RELN: variants seen among roughly 807,000 people sequenced by gnomAD.
RELN encodes the protein reelin.
RELN carries 108 observed loss-of-function variants against 427.6 expected under a neutral mutation model. The ratio of observed to expected loss-of-function variants is 0.25; its 90% CI spans 0.22 to 0.30. The LOEUF (loss-of-function observed/expected upper bound fraction) is 0.30. Ranked by LOEUF, RELN falls within the 10% of genes least tolerant of loss-of-function variation. The pLI is 1.00. For missense variants in RELN, 3,715 were observed against 4,302.8 expected (o/e 0.86, Z 3.82); for synonymous variants, 1,524 against 1,513.4 (o/e 1.01, Z -0.16).
intron 46 of RELN, among the ~76,000 whole-genome samples, chr7:103,525,695 G>GTT (rs76372202): frequency 1.0e-4 from 14 of 139,166 alleles, no homozygotes; most frequent in African/African-American, 7.8e-5. Context: ...TATTCATTCT[G>GTT]TTTTTTTTTT....
rs1189571282 is a variant in RELN at position 103,471,960 on chromosome 7, C to A, written c.*852G>T. On this transcript the variant is annotated 3_prime_UTR_variant, in exon 65 of 65. Coordinates refer to ENST00000428762, the MANE Select transcript of RELN (RefSeq NM_005045.4). ...GAATATGACCCGCAGAAAAAACAAT[C>A]CACGAAGAAAACACAATGAAAAAAC... 6.6e-6 allele frequency: 1 copy of A among 152,512 alleles called. No homozygotes were observed. Among genetic ancestry groups the A allele is most frequent in the Non-Finnish European group, 1.5e-5 (1 of 68,028 alleles). 9.4% of individuals were successfully genotyped at this position (152,512 alleles called of 1,614,324 possible). A position where few individuals can be genotyped will look rare whatever the true frequency, so the allele number is the denominator to read the frequency against.
chr7:103,769,789 G>A (rs1422785716), intron 4 of RELN, among the ~76,000 whole-genome samples: 2 of 152,192 alleles, frequency 1.3e-5, no homozygotes, highest in African/African-American at 4.8e-5. Context: ...GATGAATCAA[G>A]ATAGAAACAC....
chr7:103,854,326 C>T (rs35835163), intron 2 of RELN, among the ~76,000 whole-genome samples: 21,858 of 152,074 alleles, frequency 0.14, 1,879 homozygotes, highest in East Asian at 0.34. Context: ...TTTATTTTCC[C>T]TTGTACTTTA....
chr7:103,982,028 T>C (rs1797000822), intron 1 of RELN, among the ~76,000 whole-genome samples: 1 of 152,026 alleles, frequency 6.6e-6, no homozygotes, highest in Admixed American at 6.6e-5. Context: ...TTACCTGGTC[T>C]AGTGGTGTGC....
chr7:103,828,944 A>G (rs1793209846), intron 3 of RELN, among the ~76,000 whole-genome samples: 1 of 151,944 alleles, frequency 6.6e-6, no homozygotes, highest in African/African-American at 2.4e-5. Flanking sequence ...ACAAGTGGTC[A>G]TTTTAAAGGC....
chr7:103,501,777 C>T (rs1829037451), intron 52 of RELN, among the ~76,000 whole-genome samples: 1 of 152,024 alleles, frequency 6.6e-6, no homozygotes, highest in South Asian at 2.1e-4. Flanking sequence ...ATGGTGGGTC[C>T]CCAGCATCCA....
Position 103,496,603 on chromosome 7 carries a change from G to T in RELN, c.9116C>A (p.Ala3039Asp). The T allele has an allele frequency of 6.2e-7, 1 of 1,614,160 alleles. No homozygotes were observed. Among genetic ancestry groups the T allele is most frequent in the Non-Finnish European group, 8.5e-7 (1 of 1,180,016 alleles). The stretch of plus-strand genomic sequence containing the variant: ...CAAAATGTTGTCCAGTGCCCACTGA[G>T]CACGCTCCACCCCAGAGACCACAAT... Reference protein sequence around the residue: ...NGIVVSGVERAQWALDNILIG... With the variant: ...NGIVVSGVERDQWALDNILIG... The change falls in exon 56 of 65, where the codon GCT (alanine) becomes GAT (aspartate). Residue 3039 changes from alanine (A) to aspartate (D), a missense_variant. Ala to Asp is a moderately radical substitution (Grantham distance 126, BLOSUM62 -2). Coordinates refer to ENST00000428762, the MANE Select transcript of RELN (RefSeq NM_005045.4).
At chr7:103,805,558 C>T (rs1246451789) in intron 3 of RELN, among the ~76,000 whole-genome samples, 1 of 152,132 alleles carries the variant, frequency 6.6e-6, no homozygotes, top group African/African-American at 2.4e-5. Flanking sequence ...AGTGGGTCCA[C>T]CCCCTCACAA....
intron 2 of RELN, among the ~76,000 whole-genome samples, chr7:103,835,955 T>C (rs1286332425): frequency 1.4e-4 from 6 of 44,010 alleles, no homozygotes; most frequent in Admixed American, 1.2e-3. Context: ...TCAATTACCC[T>C]TTTTTTTTTT....
At chr7:103,838,517 G>A (rs1290507736) in intron 2 of RELN, among the ~76,000 whole-genome samples, 1 of 152,264 alleles carries the variant, frequency 6.6e-6, no homozygotes, top group African/African-American at 2.4e-5. Flanking sequence ...TCACAAGGTT[G>A]GGGAGAATAA....
intron 9 of RELN, among the ~76,000 whole-genome samples, chr7:103,699,912 G>T (rs1464950868): frequency 6.6e-6 from 1 of 151,868 alleles, no homozygotes; most frequent in African/African-American, 2.4e-5. Context: ...TCAGTTTTTG[G>T]TTAGACTAAA....
rs1563004943 is a variant in RELN, at chr7:103,773,430, TCTCTCTCTCTCTCTCCCTCGCTCCCTCC to T, written c.544+3099_544+3126del. Among the ~76,000 whole-genome samples, 4 of 28,916 alleles carry T rather than the reference TCTCTCTCTCTCTCTCCCTCGCTCCCTCC, an allele frequency of 1.4e-4. 1 individual carries two copies. Among genetic ancestry groups the T allele is most frequent in the African/African-American group, 7.2e-4 (3 of 4,162 alleles). 19.0% of individuals were successfully genotyped at this position (28,916 alleles called of 152,430 possible). A position where few individuals can be genotyped will look rare whatever the true frequency, so the allele number is the denominator to read the frequency against. On this transcript the variant is annotated intron_variant, in intron 4 of 64. Coordinates refer to ENST00000428762, the MANE Select transcript of RELN (RefSeq NM_005045.4). ...CTCTCTCTCTCTCCCTCGCTCCCTC[TCTCTCTCTCTCTCTCCCTCGCTCCCTCC>T]CTCTCTCTCTCTCTCTCTCTCTTTC...
intron 2 of RELN, among the ~76,000 whole-genome samples, chr7:103,858,703 C>T (rs1379682915): frequency 6.6e-6 from 1 of 152,204 alleles, no homozygotes; most frequent in African/African-American, 2.4e-5. Context: ...CCTATTTCAT[C>T]ACCTTGATTA....
chr7:103,745,957 A>C (rs1485107646), intron 6 of RELN, among the ~76,000 whole-genome samples: 6 of 152,206 alleles, frequency 3.9e-5, no homozygotes, highest in Admixed American at 2.0e-4. Context: ...TCACATTGCC[A>C]AGTCAATCCT....
intron 3 of RELN, among the ~76,000 whole-genome samples, chr7:103,820,892 A>C (rs1792997795): frequency 6.6e-6 from 1 of 152,074 alleles, no homozygotes; most frequent in African/African-American, 2.4e-5. Context: ...ACACAGACAC[A>C]CACGTTTAAT....
chr7:103,717,711 G>A (rs1789973801), intron 8 of RELN, among the ~76,000 whole-genome samples: 1 of 151,990 alleles, frequency 6.6e-6, no homozygotes, highest in Middle Eastern at 3.2e-3. Flanking sequence ...AGGTGTCCAT[G>A]TTTCAGAAGA....
chr7:103,543,406 G>A (rs1277550333), intron 42 of RELN, among the ~76,000 whole-genome samples: 1 of 152,188 alleles, frequency 6.6e-6, no homozygotes, highest in Non-Finnish European at 1.5e-5. Context: ...AGCACTTTGG[G>A]AGGCCGAGGC....
chr7:103,622,415 C>A (rs1832241523), intron 20 of RELN, among the ~76,000 whole-genome samples: 1 of 152,196 alleles, frequency 6.6e-6, no homozygotes, highest in African/African-American at 2.4e-5. Flanking sequence ...TGAGCTCCTT[C>A]TACTGCTCCT....
At chr7:103,734,450 G>A (rs1584446521) in intron 6 of RELN, among the ~76,000 whole-genome samples, 1 of 152,062 alleles carries the variant, frequency 6.6e-6, no homozygotes, top group South Asian at 2.1e-4. Context: ...CGTATCATAT[G>A]GATTGTCCAC....
Sources: gnomAD v4.1 joint callset for allele counts (sites outside exome capture counted in the v4.1 genomes callset) on GRCh38, gnomAD v4.1.1 for gene constraint, MANE v1.5 for transcripts, NCBI Gene and HGNC (gene_info 2026-07-23, HGNC 2026-07-21) for gene names.